ARFGAP3: variants seen among roughly 807,000 people sequenced by gnomAD.
ARFGAP3 encodes ARF GTPase activating protein 3.
ARFGAP3 carries 72 observed loss-of-function variants against 75.0 expected under a neutral mutation model. That is an observed-to-expected ratio of 0.96 (90% confidence interval 0.79 to 1.17). The LOEUF is 1.17. Ranked by LOEUF, ARFGAP3 falls within the 50% of genes most tolerant of loss-of-function variation. The pLI, the probability that ARFGAP3 is intolerant of heterozygous loss-of-function variation, is 0.00. For synonymous variants in ARFGAP3, 221 were observed against 217.9 expected (o/e 1.01, Z -0.13); for missense variants, 620 against 626.6 (o/e 0.99, Z 0.11).
chr22:42,815,271 A>G (rs951494594), intron 11 of ARFGAP3, among the ~76,000 whole-genome samples: 1 of 152,238 alleles, frequency 6.6e-6, no homozygotes, highest in African/African-American at 2.4e-5. Flanking sequence ...ATCTATTTAC[A>G]TACCTTTAAA....
intron 2 of ARFGAP3, among the ~76,000 whole-genome samples, chr22:42,844,910 C>T (rs764392027): frequency 2.0e-5 from 3 of 152,180 alleles, no homozygotes; most frequent in Non-Finnish European, 2.9e-5. Context: ...ATTTATCTGA[C>T]TTTTAAAAGG....
intron 8 of ARFGAP3, 152 bp from the exon 9 acceptor site, chr22:42,822,561 G>A: frequency 2.2e-6 from 2 of 915,746 alleles, no homozygotes; most frequent in Non-Finnish European, 3.2e-6. Context: ...TGTGAAGTTA[G>A]TATTATTCCA....
rs998406321 is a variant in ARFGAP3 at position 42,796,798 on chromosome 22, C to T, written c.*790G>A. 7 of 152,212 alleles carry T rather than the reference C, an allele frequency of 4.6e-5. No individual in the cohort carries two copies. The highest frequency in any genetic ancestry group is 1.7e-4 in the African/African-American group (7 of 41,440). 9.4% of individuals were successfully genotyped at this position (152,212 alleles called of 1,614,324 possible). On this transcript the variant is annotated 3_prime_UTR_variant, in exon 16 of 16. Coordinates refer to ENST00000263245, the MANE Select transcript of ARFGAP3 (RefSeq NM_014570.5). Reference sequence around the variant, plus strand: ...TACAATGACTGTTCTCCCATACACGCAACTATTTTCTGTAGCTGTATCTTC... The same window carrying T: ...TACAATGACTGTTCTCCCATACACGTAACTATTTTCTGTAGCTGTATCTTC...
chr22:42,800,589 A>AAGTT (rs1177659760), intron 14 of ARFGAP3, among the ~76,000 whole-genome samples: 2 of 152,190 alleles, frequency 1.3e-5, no homozygotes, highest in African/African-American at 2.4e-5. Context: ...CAGAACTGAC[A>AAGTT]AGTTACCCTG....
At chr22:42,837,701 A>C (rs1303908768) in intron 3 of ARFGAP3, among the ~76,000 whole-genome samples, 2 of 25,012 alleles carry the variant, frequency 8.0e-5, no homozygotes, top group East Asian at 3.9e-3. Flanking sequence ...TTTTTTTGAG[A>C]CGGTCTTGCT....
chr22:42,822,417 A>T lies in ARFGAP3; in HGVS notation c.673-8T>A, dbSNP rs1429365044. The T allele has an allele frequency of 5.0e-6, 8 of 1,613,450 alleles. No homozygotes were observed. The highest frequency in any genetic ancestry group is 1.7e-5 in the Admixed American group (1 of 59,812). The stretch of plus-strand genomic sequence containing the variant: ...TCCTTTTTTGGCCCCAAGCTAGAAC[A>T]TATATAAGACTATAGTCTACACGAG... On this transcript the variant is annotated splice_polypyrimidine_tract_variant and splice_region_variant and intron_variant, in intron 8 of 15. Transcript: ENST00000263245.
intron 14 of ARFGAP3, among the ~76,000 whole-genome samples, chr22:42,800,517 C>T (rs1288269002): frequency 1.3e-5 from 2 of 152,128 alleles, no homozygotes; most frequent in Non-Finnish European, 2.9e-5. Flanking sequence ...GGTGACAGAG[C>T]GAGACCCCAT....
chr22:42,847,625 A>C lies in ARFGAP3; in HGVS notation c.77T>G (p.Phe26Cys). Reference protein sequence around the residue: ...LRSVPTNKVCFDCGAKNPSWA... With the variant: ...LRSVPTNKVCCDCGAKNPSWA... Reference sequence around the variant, plus strand: ...GCTGGGATTTTTGGCACCACAATCAAAACACACCTGAAAAAAAATGTTAAA... The same window carrying C: ...GCTGGGATTTTTGGCACCACAATCACAACACACCTGAAAAAAAATGTTAAA... Residue 26 changes from phenylalanine (F) to cysteine (C), a missense_variant, in exon 2 of 16, where the codon TTT becomes TGT. Physicochemically the swap from Phe to Cys is radical, Grantham distance 205. Transcript: ENST00000263245. The C allele has an allele frequency of 6.2e-7, 1 of 1,611,462 alleles. No homozygotes were observed.
At chr22:42,811,014 C>A (rs981826399) in intron 11 of ARFGAP3, 70 bp from the exon 12 acceptor site, 26 of 1,574,242 alleles carry the variant, frequency 1.7e-5, no homozygotes, top group Non-Finnish European at 2.1e-5. Context: ...TCTCTCACTT[C>A]CACAGATGTG....
rs1924630202 is a variant in ARFGAP3, at chr22:42,797,001, A to G, written c.*587T>C. The G allele has an allele frequency of 6.6e-6, 1 of 152,312 alleles. No homozygotes were observed. The highest frequency in any genetic ancestry group is 1.5e-5 in the Non-Finnish European group (1 of 68,110). 9.4% of individuals were successfully genotyped at this position (152,312 alleles called of 1,614,324 possible). On this transcript the variant is annotated 3_prime_UTR_variant, in exon 16 of 16. Coordinates refer to ENST00000263245, the MANE Select transcript of ARFGAP3 (RefSeq NM_014570.5). ...AAGCTTAAGTTTGTTAAAAGCACTC[A>G]CTGAAAAACATTTTTAAATTTATAG...
chr22:42,805,287 AG>A (rs1196592825), intron 14 of ARFGAP3, among the ~76,000 whole-genome samples: 1 of 152,258 alleles, frequency 6.6e-6, no homozygotes, highest in African/African-American at 2.4e-5. Flanking sequence ...GTAACTGGAA[AG>A]GCTGCTCTCA....
intron 1 of ARFGAP3, among the ~76,000 whole-genome samples, chr22:42,856,238 T>C (rs904778986): frequency 6.6e-6 from 1 of 152,134 alleles, no homozygotes; most frequent in Non-Finnish European, 1.5e-5. Flanking sequence ...CAGAAACACC[T>C]ATTTTGTAAC....
chr22:42,805,752 C>A (rs1242738128), intron 14 of ARFGAP3, among the ~76,000 whole-genome samples: 1 of 152,216 alleles, frequency 6.6e-6, no homozygotes, highest in African/African-American at 2.4e-5. Flanking sequence ...GCCCTGGCTG[C>A]GCACCCCCAG....
intron 15 of ARFGAP3, among the ~76,000 whole-genome samples, chr22:42,798,728 T>C (rs1924718619): frequency 6.6e-6 from 1 of 152,258 alleles, no homozygotes; most frequent in South Asian, 2.1e-4. Context: ...TAACAGAGGT[T>C]ATCCCTGTGA....
intron 3 of ARFGAP3, among the ~76,000 whole-genome samples, chr22:42,839,054 G>A (rs1209827784): frequency 7.0e-6 from 1 of 143,706 alleles, no homozygotes; most frequent in South Asian, 2.2e-4. Flanking sequence ...AGGTTGCAGA[G>A]AGCTGAGATT....
chr22:42,841,082 T>G, intron 2 of ARFGAP3, 66 bp from the exon 3 acceptor site: 1 of 1,565,636 alleles, frequency 6.4e-7, no homozygotes, highest in Non-Finnish European at 8.6e-7. Context: ...CAGTGAGCTT[T>G]TGAGAACAAG....
Position 42,797,616 on chromosome 22 carries a change from A to C in ARFGAP3, c.1534-11T>G, listed in dbSNP as rs957140433. 1 of 1,613,916 alleles carries C rather than the reference A, an allele frequency of 6.2e-7. No homozygotes were observed. Among genetic ancestry groups the C allele is most frequent in the African/African-American group, 1.3e-5 (1 of 74,916 alleles). ...AGAACCGTAGCGATCCTGAAGAGAGAACCAAAATGGAAGTTCACGACCATT... is the reference window on the plus strand; with the variant it reads ...AGAACCGTAGCGATCCTGAAGAGAGCACCAAAATGGAAGTTCACGACCATT... On this transcript the variant is annotated splice_polypyrimidine_tract_variant and intron_variant, in intron 15 of 15. Coordinates refer to ENST00000263245, the MANE Select transcript of ARFGAP3 (RefSeq NM_014570.5).
In ARFGAP3 at chr22:42,821,720, G is replaced by GT. The variant is rs113235278; in HGVS notation, c.812+549dup. Among the ~76,000 whole-genome samples, 1,062 of 152,320 alleles carry GT rather than the reference G, an allele frequency of 7.0e-3. 18 individuals carry two copies. Among genetic ancestry groups the GT allele is most frequent in the African/African-American group, 0.025 (1,024 of 41,570 alleles). On this transcript the variant is annotated intron_variant, in intron 9 of 15. Transcript: ENST00000263245. ...CGAGTTTGTGTGTGGTTGCACAGAT[G>GT]TAAGTTTTAATTTCTCTTGAGTATA...
chr22:42,841,548 CT>C (rs1926780148), intron 2 of ARFGAP3, among the ~76,000 whole-genome samples: 1 of 152,166 alleles, frequency 6.6e-6, no homozygotes, highest in South Asian at 2.1e-4. Flanking sequence ...CACCTTATGC[CT>C]AACTTCTCTC....
Sources: allele counts gnomAD v4.1 joint callset (sites outside exome capture counted in the v4.1 genomes callset), GRCh38; gene constraint gnomAD v4.1.1; transcripts MANE v1.5; gene names NCBI Gene and HGNC (gene_info 2026-07-23, HGNC 2026-07-21).